Variants in TNRC6B observed in about 807,000 individuals in gnomAD.
The protein encoded by TNRC6B is trinucleotide repeat containing adaptor 6B, also known as trinucleotide repeat-containing gene 6B protein.
Under a neutral mutation model 203.6 loss-of-function variants are expected in TNRC6B, and 52 were observed. That is an observed-to-expected ratio of 0.26 (90% CI 0.20 to 0.32). The LOEUF (loss-of-function observed/expected upper bound fraction) is 0.32. Ranked by LOEUF, TNRC6B falls within the 10% of genes least tolerant of loss-of-function variation. The pLI is 1.00. For missense variants in TNRC6B, 1,923 were observed against 2,286.2 expected (o/e 0.84, Z 3.24); for synonymous variants, 838 against 845.7 (o/e 0.99, Z 0.16).
chr22:40,281,857 G>A (rs1317330408), intron 11 of TNRC6B, among the ~76,000 whole-genome samples: 1 of 152,206 alleles, frequency 6.6e-6, no homozygotes, highest in Non-Finnish European at 1.5e-5. Flanking sequence ...CATTGCACCT[G>A]GGGTTGGATC....
chr22:40,158,085 C>G (rs2068834140), intron 4 of TNRC6B, among the ~76,000 whole-genome samples: 1 of 152,044 alleles, frequency 6.6e-6, no homozygotes, highest in Non-Finnish European at 1.5e-5. Flanking sequence ...TCACTGTAAT[C>G]CCAGCACTTT....
chr22:40,299,818 A>G (rs1292815100), intron 12 of TNRC6B, among the ~76,000 whole-genome samples: 1 of 152,174 alleles, frequency 6.6e-6, no homozygotes, highest in African/African-American at 2.4e-5. Context: ...TACTTAAATC[A>G]TCTTAGAGGA....
chr22:40,195,701 G>C (rs1569016097), intron 1 of TNRC6B, among the ~76,000 whole-genome samples: 1 of 152,176 alleles, frequency 6.6e-6, no homozygotes. Flanking sequence ...CAATCCTCCT[G>C]CCTTTGCCTC....
intron 15 of TNRC6B, among the ~76,000 whole-genome samples, chr22:40,303,261 G>A (rs371670435): frequency 2.9e-3 from 440 of 151,872 alleles, no homozygotes; most frequent in African/African-American, 0.01. Flanking sequence ...CCTGACCTCA[G>A]GTGATCTGCC....
At chr22:40,189,931 G>GT (rs1168468615) in intron 1 of TNRC6B, among the ~76,000 whole-genome samples, 8 of 152,248 alleles carry the variant, frequency 5.3e-5, no homozygotes, top group Middle Eastern at 3.4e-3. Flanking sequence ...AAAGTAGAAT[G>GT]AACAGTCTCA....
chr22:40,168,679 A>G (rs1332050791), intron 4 of TNRC6B, among the ~76,000 whole-genome samples: 1 of 152,242 alleles, frequency 6.6e-6, no homozygotes, highest in Admixed American at 6.5e-5. Context: ...TGTTGGGAGT[A>G]AGAATAGCAG....
chr22:40,271,029 G>A (rs2070555825), intron 6 of TNRC6B, among the ~76,000 whole-genome samples: 1 of 152,168 alleles, frequency 6.6e-6, no homozygotes, highest in South Asian at 2.1e-4. Context: ...CCACATAAGA[G>A]CATTTCAGAT....
chr22:40,107,646 A>G (rs577033262), intron 1 of TNRC6B, among the ~76,000 whole-genome samples: 1 of 152,284 alleles, frequency 6.6e-6, no homozygotes, highest in Non-Finnish European at 1.5e-5. Context: ...GACAAATTTA[A>G]GCTCGCTACA....
At position 40,251,088 on chromosome 22, in the gene TNRC6B, G is replaced by A; in HGVS notation, c.94-91G>A. On this transcript the variant is annotated intron_variant, in intron 2 of 22. Transcript: ENST00000454349. ...CTATGCCTGTGTGCCTGACAGCTTG[G>A]ATTACTTGAGTTATCAGACTAAAGT... The A allele has an allele frequency of 3.6e-6, 4 of 1,102,032 alleles. 1 individual carries two copies. The highest frequency in any genetic ancestry group is 3.4e-5 in the South Asian group (2 of 58,964). 68.3% of individuals were successfully genotyped at this position (1,102,032 alleles called of 1,614,324 possible). A position where few individuals can be genotyped will look rare whatever the true frequency, so the allele number is the denominator to read the frequency against.
chr22:40,114,624 G>A (rs987584501), intron 1 of TNRC6B, among the ~76,000 whole-genome samples: 5 of 152,108 alleles, frequency 3.3e-5, no homozygotes, highest in South Asian at 2.1e-4. Context: ...CACCACGCCC[G>A]GCCTAGAGGA....
intron 1 of TNRC6B, among the ~76,000 whole-genome samples, chr22:40,207,408 A>G (rs1357078204): frequency 8.7e-6 from 1 of 115,352 alleles, no homozygotes; most frequent in Admixed American, 7.8e-5. Flanking sequence ...CCCTGCCTCA[A>G]AAAAAAAAAA....
chr22:40,277,857 A>G (rs1378060170), intron 8 of TNRC6B, 142 bp from the exon 9 acceptor site: 6 of 648,388 alleles, frequency 9.3e-6, no homozygotes, highest in Non-Finnish European at 1.7e-5. Flanking sequence ...AAAAATGTTA[A>G]TGTCTTCAGT....
At chr22:40,144,990 G>T (rs2068678644) in intron 3 of TNRC6B, among the ~76,000 whole-genome samples, 1 of 150,938 alleles carries the variant, frequency 6.6e-6, no homozygotes, top group Non-Finnish European at 1.5e-5. Flanking sequence ...CCAGCACTTT[G>T]GGAGGCCAAG....
upstream of TNRC6B, chr22:40,177,857 G>A: frequency 1.5e-6 from 2 of 1,322,144 alleles, no homozygotes; most frequent in Non-Finnish European, 1.9e-6. Flanking sequence ...CCCCTTTCCT[G>A]ATTGACAAAC....
chr22:40,142,705 G>A (rs930891622), intron 3 of TNRC6B, among the ~76,000 whole-genome samples: 6 of 151,950 alleles, frequency 3.9e-5, no homozygotes, highest in Non-Finnish European at 5.9e-5. Context: ...CTTTTTTTCA[G>A]AAGTCAAGCA....
intron 12 of TNRC6B, among the ~76,000 whole-genome samples, chr22:40,289,979 A>G (rs2070848097): frequency 6.6e-6 from 1 of 152,242 alleles, no homozygotes; most frequent in Admixed American, 6.5e-5. Flanking sequence ...ACTGCCCTTC[A>G]AACCTTTATC....
At chr22:40,201,758 C>T (rs999773917) in intron 1 of TNRC6B, among the ~76,000 whole-genome samples, 9 of 152,012 alleles carry the variant, frequency 5.9e-5, no homozygotes, top group Non-Finnish European at 1.3e-4. Flanking sequence ...AATCCCGAAT[C>T]TGAAAATCCA....
chr22:40,204,652 C>T (rs1277449864), intron 1 of TNRC6B, among the ~76,000 whole-genome samples: 1 of 152,158 alleles, frequency 6.6e-6, no homozygotes, highest in Admixed American at 6.5e-5. Flanking sequence ...GTAACTGACC[C>T]AGGGGGGCTG....
chr22:40,330,824 TG>T lies in TNRC6B; in HGVS notation c.*7585del, dbSNP rs2071457527. 6.6e-6 allele frequency: 1 copy of T among 152,600 alleles called. No individual in the cohort carries two copies. The highest frequency in any genetic ancestry group is 2.1e-4 in the South Asian group (1 of 4,820). 9.5% of individuals were successfully genotyped at this position (152,600 alleles called of 1,614,324 possible). ...TCATTAGGGAAGTCAAAGTTCCTCCTGGAAGTCCCAGGAGCAGCTGTTGAGA... is the reference window on the plus strand; with the variant it reads ...TCATTAGGGAAGTCAAAGTTCCTCCTGAAGTCCCAGGAGCAGCTGTTGAGA... On this transcript the variant is annotated 3_prime_UTR_variant, in exon 23 of 23. Transcript: ENST00000454349.
Sources: allele counts gnomAD v4.1 joint callset (sites outside exome capture counted in the v4.1 genomes callset), GRCh38; gene constraint gnomAD v4.1.1; transcripts MANE v1.5; gene names NCBI Gene and HGNC (gene_info 2026-07-23, HGNC 2026-07-21).